The following STK32B variants were observed in gnomAD, a reference collection of about 807,000 sequenced individuals.
STK32B encodes serine/threonine kinase 32B.
In STK32B, 43 loss-of-function variants were observed where a neutral mutation model predicts 52.6. The observed-to-expected ratio is 0.82, with a 90% CI of 0.64 to 1.05. STK32B has a LOEUF of 1.05. Among genes scored for constraint, STK32B ranks in the 50% least tolerant of loss-of-function variants. The pLI is 0.00. For synonymous variants in STK32B, 238 were observed against 204.3 expected, an observed-to-expected ratio of 1.17 and a Z score of -1.41; for missense variants, 621 against 534.6, an observed-to-expected ratio of 1.16 and a Z score of -1.59.
In STK32B at chr4:5,141,921, C is replaced by T. The variant is rs145432769; in HGVS notation, c.108+1961C>T. On this transcript the variant is annotated intron_variant, in intron 2 of 11. Transcript: ENST00000282908. ...ATCACATCTTCACACAACTGCTCCT[C>T]ACTTCTGTGACTTTGTTAGAGAAGG... 2.4e-3 allele frequency among the ~76,000 whole-genome samples: 369 copies of T among 152,224 alleles called. 1 individual carries two copies. The highest frequency in any genetic ancestry group is 0.01 in the Middle Eastern group (3 of 294).
At chr4:5,475,709 AGT>A (rs1718187605) in intron 11 of STK32B, among the ~76,000 whole-genome samples, 1 of 151,728 alleles carries the variant, frequency 6.6e-6, no homozygotes, top group South Asian at 2.1e-4. Context: ...AAAAAAAAAA[AGT>A]GTGACCGATT....
intron 3 of STK32B, among the ~76,000 whole-genome samples, chr4:5,169,393 T>A (rs191759455): frequency 2.7e-4 from 41 of 152,266 alleles, no homozygotes; most frequent in African/African-American, 9.9e-4. Context: ...ATTCAGCGGA[T>A]CAGTTGACCC....
At chr4:5,193,964 C>T (rs1181146344) in intron 3 of STK32B, among the ~76,000 whole-genome samples, 1 of 152,214 alleles carries the variant, frequency 6.6e-6, no homozygotes, top group African/African-American at 2.4e-5. Flanking sequence ...CGTTCTCATG[C>T]TCCTGCACCT....
rs193219921 is a variant in STK32B, at chr4:5,471,250, C to T, written c.1106+3180C>T. On this transcript the variant is annotated intron_variant, in intron 11 of 11. Coordinates refer to ENST00000282908, the MANE Select transcript of STK32B (RefSeq NM_018401.3). ...AAGCCCCCCTACTTCAGAATGTGAC[C>T]TTATTTGGAAATAGGGTGGGTGCAG... Among the ~76,000 whole-genome samples, 267 of 152,270 alleles carry T rather than the reference C, an allele frequency of 1.8e-3. 1 individual carries two copies. The highest frequency in any genetic ancestry group is 2.3e-3 in the Non-Finnish European group (155 of 68,020).
chr4:5,269,724 T>C (rs996817634), intron 3 of STK32B, among the ~76,000 whole-genome samples: 2 of 152,156 alleles, frequency 1.3e-5, no homozygotes, highest in African/African-American at 4.8e-5. Context: ...TTACATATTA[T>C]AGAAAAAAAT....
chr4:5,459,287 C>T lies in STK32B; in HGVS notation c.784-816C>T, dbSNP rs948451200. Reference sequence around the variant, plus strand: ...CCACCTGTGGACCCTGGTGTGCCCCCCCCCCCCACCTTTCTAAGTATGTGC... The same window carrying T: ...CCACCTGTGGACCCTGGTGTGCCCCTCCCCCCCACCTTTCTAAGTATGTGC... On this transcript the variant is annotated intron_variant, in intron 8 of 11. Coordinates refer to ENST00000282908, the MANE Select transcript of STK32B (RefSeq NM_018401.3). Among the ~76,000 whole-genome samples the T allele has an allele frequency of 9.4e-5, 6 of 63,596 alleles. 1 individual carries two copies. The highest frequency in any genetic ancestry group is 6.4e-4 in the East Asian group (3 of 4,670). 41.7% of individuals were successfully genotyped at this position (63,596 alleles called of 152,430 possible). A position where few individuals can be genotyped will look rare whatever the true frequency, so the allele number is the denominator to read the frequency against.
At chr4:5,081,388 A>G (rs1008302357) in intron 1 of STK32B, among the ~76,000 whole-genome samples, 3 of 152,150 alleles carry the variant, frequency 2.0e-5, no homozygotes, top group African/African-American at 7.2e-5. Flanking sequence ...AGCTTCATGT[A>G]TCTGGATGTC....
chr4:5,022,741 C>T, the STK32B span, among the ~76,000 whole-genome samples: 1 of 152,202 alleles, frequency 6.6e-6, no homozygotes, highest in Non-Finnish European at 1.5e-5. Context: ...ATGGGTTCTT[C>T]ATTTGCCAGA....
At chr4:5,393,329 A>G (rs543991149) in intron 4 of STK32B, among the ~76,000 whole-genome samples, 133 of 152,254 alleles carry the variant, frequency 8.7e-4, no homozygotes, top group African/African-American at 2.8e-3. Flanking sequence ...ATCTCATCCA[A>G]TCCTCACTGT....
In STK32B at chr4:5,083,993, T is replaced by C. The variant is rs376002759; in HGVS notation, c.52+32078T>C. On this transcript the variant is annotated intron_variant, in intron 1 of 11. Transcript: ENST00000282908. ...CTCAGGTGATCCACTGGCCTCAGCC[T>C]TGCAATGTGCTGAGATTGCAGGCGT... 3.0e-4 allele frequency among the ~76,000 whole-genome samples: 46 copies of C among 152,320 alleles called. No homozygotes were observed. In the Middle Eastern group the frequency reaches 0.024, roughly 79 times the overall value.
chr4:5,041,511 C>T, the STK32B span, among the ~76,000 whole-genome samples: 1 of 152,128 alleles, frequency 6.6e-6, no homozygotes, highest in Admixed American at 6.5e-5. Flanking sequence ...ACAAGAAGCT[C>T]AGAATTGCTG....
At chr4:5,111,517 A>G (rs938312909) in intron 1 of STK32B, among the ~76,000 whole-genome samples, 6 of 152,168 alleles carry the variant, frequency 3.9e-5, no homozygotes, top group African/African-American at 1.4e-4. Flanking sequence ...ACAGAAACAG[A>G]AAATTAAATA....
At chr4:5,297,551 C>T (rs1264626882) in intron 3 of STK32B, among the ~76,000 whole-genome samples, 1 of 151,316 alleles carries the variant, frequency 6.6e-6, no homozygotes, top group Admixed American at 6.6e-5. Context: ...TCCTTTCTTC[C>T]ACTTGATTGA....
intron 1 of STK32B, among the ~76,000 whole-genome samples, chr4:5,116,493 T>TG (rs1012652412): frequency 6.6e-6 from 1 of 152,198 alleles, no homozygotes; most frequent in South Asian, 2.1e-4. Context: ...ATACTTATTT[T>TG]GGGGGGAGTT....
chr4:5,026,941 G>GT, the STK32B span, among the ~76,000 whole-genome samples: 3 of 152,160 alleles, frequency 2.0e-5, no homozygotes, highest in African/African-American at 7.2e-5. Context: ...GAGTGCTAAG[G>GT]TAAGAGCCTA....
intron 7 of STK32B, among the ~76,000 whole-genome samples, chr4:5,449,138 C>G (rs1206674279): frequency 6.6e-6 from 1 of 152,100 alleles, no homozygotes; most frequent in Non-Finnish European, 1.5e-5. Context: ...GGTCGGAGAT[C>G]GAAACAAGCC....
chr4:5,474,977 G>T (rs1403495914), intron 11 of STK32B, among the ~76,000 whole-genome samples: 3 of 152,112 alleles, frequency 2.0e-5, no homozygotes, highest in Admixed American at 6.5e-5. Flanking sequence ...AATGCCTTTC[G>T]AATGACTGGG....
chr4:5,424,387 AGT>A (rs1712903822), intron 6 of STK32B, among the ~76,000 whole-genome samples: 1 of 152,180 alleles, frequency 6.6e-6, no homozygotes, highest in Non-Finnish European at 1.5e-5. Context: ...CTGGGTCACC[AGT>A]TCCACTGACC....
At chr4:5,481,781 C>A (rs1268780219) in intron 11 of STK32B, among the ~76,000 whole-genome samples, 1 of 152,152 alleles carries the variant, frequency 6.6e-6, no homozygotes, top group Non-Finnish European at 1.5e-5. Flanking sequence ...AGGAAGGGAT[C>A]CAGTTTCGGC....
Sources: allele counts gnomAD v4.1 joint callset (sites outside exome capture counted in the v4.1 genomes callset), GRCh38; gene constraint gnomAD v4.1.1; transcripts MANE v1.5; gene names NCBI Gene and HGNC (gene_info 2026-07-23, HGNC 2026-07-21).